SLC35D4: variants seen among roughly 807,000 people sequenced by gnomAD.
SLC35D4 encodes the protein solute carrier family 35 member D4.
chr18:23,257,027 G>GGGAAAGGAGCAGCTCCTTCACAACCA, the SLC35D4 span: 1 of 588,082 alleles, frequency 1.7e-6, no homozygotes, highest in South Asian at 2.2e-5. Flanking sequence ...GCAGCCCCTC[G>GGGAAAGGAGCAGCTCCTTCACAACCA]GGAAAGGAGC....
chr18:23,335,389 A>T, the SLC35D4 span, among the ~76,000 whole-genome samples: 1 of 152,132 alleles, frequency 6.6e-6, no homozygotes, highest in Non-Finnish European at 1.5e-5. Flanking sequence ...TATGGCAGTC[A>T]CTCTGCTGAC....
chr18:23,346,452 C>CTA, the SLC35D4 span, among the ~76,000 whole-genome samples: 3 of 151,724 alleles, frequency 2.0e-5, no homozygotes, highest in South Asian at 6.2e-4. Context: ...TTGGGATTTT[C>CTA]TATATATATG....
the SLC35D4 span, among the ~76,000 whole-genome samples, chr18:23,320,561 T>C: frequency 6.6e-6 from 1 of 152,212 alleles, no homozygotes; most frequent in Non-Finnish European, 1.5e-5. Context: ...ATGCTGGACA[T>C]AGGTATAGAA....
chr18:23,304,523 CAT>C, the SLC35D4 span, among the ~76,000 whole-genome samples: 2 of 148,350 alleles, frequency 1.3e-5, no homozygotes, highest in African/African-American at 4.9e-5. Flanking sequence ...TTATATATAA[CAT>C]ATATATAAAA....
At chr18:23,277,912 T>C in the SLC35D4 span, among the ~76,000 whole-genome samples, 1 of 152,294 alleles carries the variant, frequency 6.6e-6, no homozygotes, top group African/African-American at 2.4e-5. Context: ...GATGGAGTCC[T>C]CATCAAAGCA....
chr18:23,287,417 A>G, the SLC35D4 span, among the ~76,000 whole-genome samples: 24 of 151,914 alleles, frequency 1.6e-4, no homozygotes, highest in Non-Finnish European at 1.9e-4. Flanking sequence ...ACTGCTGCAA[A>G]GCTTCACAGA....
the SLC35D4 span, among the ~76,000 whole-genome samples, chr18:23,348,385 A>ATG: frequency 6.6e-6 from 1 of 152,196 alleles, no homozygotes; most frequent in Non-Finnish European, 1.5e-5. Flanking sequence ...ATGTACTTCT[A>ATG]TATTCACGCT....
the SLC35D4 span, among the ~76,000 whole-genome samples, chr18:23,282,827 G>A: frequency 3.3e-5 from 5 of 152,064 alleles, no homozygotes; most frequent in African/African-American, 7.2e-5. Context: ...TCAGGGGCTC[G>A]CAGGCCTCAT....
chr18:23,314,463 G>A, the SLC35D4 span, among the ~76,000 whole-genome samples: 1 of 152,156 alleles, frequency 6.6e-6, no homozygotes. Flanking sequence ...CTTACCCTGG[G>A]GGGGGCTACT....
At chr18:23,429,925 A>G in the SLC35D4 span, among the ~76,000 whole-genome samples, 1 of 152,250 alleles carries the variant, frequency 6.6e-6, no homozygotes, top group Non-Finnish European at 1.5e-5. Context: ...TTGGATGCAT[A>G]GTTTGCAAAT....
chr18:23,386,144 A>AAAAG, the SLC35D4 span, among the ~76,000 whole-genome samples: 45 of 151,226 alleles, frequency 3.0e-4, no homozygotes, highest in Non-Finnish European at 4.3e-4. Flanking sequence ...AAAAAAAAAA[A>AAAAG]AAAGAAAGAA....
At chr18:23,415,416 T>A in the SLC35D4 span, among the ~76,000 whole-genome samples, 5 of 152,338 alleles carry the variant, frequency 3.3e-5, no homozygotes, top group Non-Finnish European at 5.9e-5. Context: ...AAGTGGCAAG[T>A]AGGTTAAAAA....
At chr18:23,257,957 C>T in the SLC35D4 span, 1 of 152,260 alleles carries the variant, frequency 6.6e-6, no homozygotes, top group Non-Finnish European at 1.5e-5. Context: ...AGCCCTTAGC[C>T]TGGGGCCATG....
the SLC35D4 span, among the ~76,000 whole-genome samples, chr18:23,265,640 C>T: frequency 1.3e-5 from 2 of 151,948 alleles, no homozygotes; most frequent in Non-Finnish European, 2.9e-5. Flanking sequence ...CACTTCCCAC[C>T]AGCCCAGACC....
the SLC35D4 span, among the ~76,000 whole-genome samples, chr18:23,396,307 C>T: frequency 1.3e-5 from 2 of 152,150 alleles, no homozygotes; most frequent in African/African-American, 2.4e-5. Context: ...TTTAATGGAG[C>T]GCTTTTCCCC....
the SLC35D4 span, among the ~76,000 whole-genome samples, chr18:23,328,786 C>T: frequency 7.1e-4 from 108 of 152,240 alleles, 1 homozygote; most frequent in Admixed American, 1.2e-3. Context: ...GGAGGCATCA[C>T]GCTACCTGAC....
the SLC35D4 span, among the ~76,000 whole-genome samples, chr18:23,375,488 G>A: frequency 6.6e-6 from 1 of 152,206 alleles, no homozygotes; most frequent in East Asian, 1.9e-4. Context: ...ACCAATGGGT[G>A]AATCTTGGTG....
the SLC35D4 span, among the ~76,000 whole-genome samples, chr18:23,431,006 T>C: frequency 6.6e-6 from 1 of 151,472 alleles, no homozygotes. Context: ...ATACAAACAT[T>C]AGCTGGGCGT....
the SLC35D4 span, among the ~76,000 whole-genome samples, chr18:23,427,373 C>G: frequency 1.3e-5 from 2 of 152,150 alleles, no homozygotes; most frequent in Non-Finnish European, 2.9e-5. Flanking sequence ...TGAACAGACA[C>G]TTCTCAAAAG....
Sources: gnomAD v4.1 joint callset for allele counts (sites outside exome capture counted in the v4.1 genomes callset) on GRCh38, gnomAD v4.1.1 for gene constraint, MANE v1.5 for transcripts, NCBI Gene and HGNC (gene_info 2026-07-23, HGNC 2026-07-21) for gene names.